SERAC1: variants seen among roughly 807,000 people sequenced by gnomAD.
SERAC1 encodes serine active site containing 1.
A neutral mutation model predicts 85.7 loss-of-function variants in SERAC1; 36 were observed. The observed-to-expected ratio is 0.42, with a 90% CI of 0.32 to 0.55. The LOEUF (loss-of-function observed/expected upper bound fraction) is 0.55. Among genes scored for constraint, SERAC1 ranks in the 20% least tolerant of loss-of-function variants. The probability of loss-of-function intolerance (pLI) is 0.11; values close to 1 mark genes in which losing one functional copy is unlikely to be tolerated. For synonymous variants in SERAC1, 242 were observed against 265.3 expected, an observed-to-expected ratio of 0.91 and a Z score of 0.85; for missense variants, 629 against 796.2, an observed-to-expected ratio of 0.79 and a Z score of 2.53.
Position 158,122,269 on chromosome 6 carries a change from C to T in SERAC1, c.1016-1694G>A, listed in dbSNP as rs376600733. Among the ~76,000 whole-genome samples, 274 of 152,310 alleles carry T rather than the reference C, an allele frequency of 1.8e-3. 8 individuals are homozygous for T. The South Asian group carries it at 0.044, about 25-fold the overall frequency. ...TTTGCACAGTGACAAAACTGCCTAA[C>T]GATACATTCCTCAGAATGTTTCTCC... On this transcript the variant is annotated intron_variant, in intron 10 of 16. Transcript: ENST00000647468.
intron 3 of SERAC1, among the ~76,000 whole-genome samples, chr6:158,151,428 A>AT (rs60806678): frequency 0.3 from 43,952 of 148,252 alleles, 7,666 homozygotes; most frequent in Admixed American, 0.51. Context: ...TCTCAAAAAG[A>AT]TTTTTTTTTT....
At chr6:158,118,239 G>A (rs1204679655) in intron 12 of SERAC1, among the ~76,000 whole-genome samples, 1 of 152,128 alleles carries the variant, frequency 6.6e-6, no homozygotes, top group Non-Finnish European at 1.5e-5. Context: ...TATACCCTAG[G>A]TCTATCATCA....
intron 14 of SERAC1, 31 bp from the exon 15 acceptor site, chr6:158,115,002 A>G: frequency 1.3e-6 from 2 of 1,585,288 alleles, no homozygotes; most frequent in South Asian, 1.2e-5. Context: ...AAAACAATGC[A>G]TAAGCTATTT....
At position 158,160,385 on chromosome 6, in the gene SERAC1, T is replaced by G. The variant is rs538584975; in HGVS notation, c.-1-2021A>C. Among the ~76,000 whole-genome samples the G allele has an allele frequency of 1.3e-3, 199 of 152,294 alleles. 1 individual carries two copies. Among genetic ancestry groups the G allele is most frequent in the African/African-American group, 4.6e-3 (191 of 41,562 alleles). ...TGTGGCAAACAAATACTACCCTTTTTGGGGGGTCATAATGTGAAAAGATAT... is the reference window on the plus strand; with the variant it reads ...TGTGGCAAACAAATACTACCCTTTTGGGGGGGTCATAATGTGAAAAGATAT... On this transcript the variant is annotated intron_variant, in intron 1 of 16. Coordinates refer to ENST00000647468, the MANE Select transcript of SERAC1 (RefSeq NM_032861.4).
chr6:158,125,701 A>AAAT (rs1263587576), intron 10 of SERAC1, among the ~76,000 whole-genome samples: 1 of 152,156 alleles, frequency 6.6e-6, no homozygotes, highest in African/African-American at 2.4e-5. Flanking sequence ...CTGTCTCAAA[A>AAAT]AATAATAATA....
At chr6:158,128,809 A>G (rs1363571470) in intron 9 of SERAC1, among the ~76,000 whole-genome samples, 1 of 152,220 alleles carries the variant, frequency 6.6e-6, no homozygotes, top group Non-Finnish European at 1.5e-5. Context: ...TTTTTAAAAG[A>G]GAAAGATCAG....
chr6:158,143,365 A>C (rs1320992217), intron 7 of SERAC1, among the ~76,000 whole-genome samples, 181 bp from the exon 8 acceptor site: 7 of 28,750 alleles, frequency 2.4e-4, no homozygotes, highest in Non-Finnish European at 5.0e-4. Flanking sequence ...ATATATATAT[A>C]TATATATATA....
Position 158,116,193 on chromosome 6 carries a change from C to A in SERAC1, c.1493G>T (p.Ser498Ile). Residue 498 changes from serine (S) to isoleucine (I), a missense_variant, in exon 14 of 17, where the codon AGC (serine) becomes ATC (isoleucine). Transcript: ENST00000647468. ...GTTGAAGCCACACTTACCTCCCATG[C>A]TATGTGATATCCAAACCACTGGCCT... ...GDRPVVWISH[S>I]MGGLLVKKML... 6.2e-7 allele frequency: 1 copy of A among 1,613,718 alleles called. No homozygotes were observed. The highest frequency in any genetic ancestry group is 8.5e-7 in the Non-Finnish European group (1 of 1,179,638).
chr6:158,149,021 A>G, intron 4 of SERAC1, 67 bp from the exon 5 acceptor site: 2 of 1,216,774 alleles, frequency 1.6e-6, no homozygotes, highest in Non-Finnish European at 1.1e-6. Context: ...ATGGAATCTT[A>G]CTCTGTCGCC....
chr6:158,119,129 A>G lies in SERAC1; in HGVS notation c.1208T>C (p.Met403Thr). Reference protein sequence around the residue: ...KADVLFIHGLMGAAFKTWRQQ... With the variant: ...KADVLFIHGLTGAAFKTWRQQ... ...GCGCCATGTTTTGAATGCTGCTCCC[A>G]TAAGGCCATGAATAAAAAGGACATC... is the stretch of plus-strand genomic sequence containing the variant. Residue 403 changes from methionine to threonine, a missense_variant, in exon 12 of 17, where the codon ATG becomes ACG. By Grantham distance (81) the Met-to-Thr change is moderately conservative (BLOSUM62 -1). Coordinates refer to ENST00000647468, the MANE Select transcript of SERAC1 (RefSeq NM_032861.4). This position sits in a 1 kb window ranked among gnomAD's most constrained non-coding sequence, Gnocchi z 4.5. 1 of 1,613,530 alleles carries G rather than the reference A, an allele frequency of 6.2e-7. No homozygotes were observed. The highest frequency in any genetic ancestry group is 8.5e-7 in the Non-Finnish European group (1 of 1,179,706).
intron 1 of SERAC1, chr6:158,160,868 G>T (rs949257100): frequency 2.6e-5 from 4 of 152,114 alleles, no homozygotes; most frequent in African/African-American, 9.7e-5. Context: ...CATCCCAAAA[G>T]AAGTCATTTT....
chr6:158,132,448 A>G (rs571410607), intron 8 of SERAC1, among the ~76,000 whole-genome samples: 2 of 152,306 alleles, frequency 1.3e-5, no homozygotes, highest in African/African-American at 4.8e-5. Flanking sequence ...TGGCAGAGAC[A>G]ATGGTAAATA....
At chr6:158,145,237 G>T in intron 6 of SERAC1, 1 of 152,154 alleles carries the variant, frequency 6.6e-6, no homozygotes, top group Non-Finnish European at 1.5e-5. Context: ...GAACAAGACT[G>T]TCTCAAAAAA....
rs143839885 is a variant in SERAC1 at position 158,114,360 on chromosome 6, C to T, written c.1684+429G>A. ...GGCTCGAGCCAGGGAATCCAAATTC[C>T]GATTAACAGGTGTTCCAGAGAGAAA... On this transcript the variant is annotated intron_variant, in intron 15 of 16. Coordinates refer to ENST00000647468, the MANE Select transcript of SERAC1 (RefSeq NM_032861.4). The T allele has an allele frequency of 2.8e-3, 1,172 of 421,034 alleles. 17 individuals carry two copies. The highest frequency in any genetic ancestry group is 0.024 in the African/African-American group (1,104 of 46,584). The allele number at this position is 421,034 out of a possible 1,614,324, so 26.1% of individuals were successfully genotyped here.
intron 4 of SERAC1, among the ~76,000 whole-genome samples, chr6:158,149,463 C>T (rs1380493289): frequency 6.6e-6 from 1 of 152,176 alleles, no homozygotes; most frequent in Non-Finnish European, 1.5e-5. Flanking sequence ...TAAGATTGCT[C>T]TCCAAGTCAG....
At chr6:158,138,868 G>GA (rs1784856273) in intron 8 of SERAC1, among the ~76,000 whole-genome samples, 1 of 152,004 alleles carries the variant, frequency 6.6e-6, no homozygotes, top group South Asian at 2.1e-4. Flanking sequence ...ACAACAAAAG[G>GA]AAAAAATGTA....
intron 2 of SERAC1, among the ~76,000 whole-genome samples, chr6:158,156,961 T>A (rs1785364888): frequency 8.1e-6 from 1 of 123,556 alleles, no homozygotes; most frequent in African/African-American, 2.9e-5. Context: ...TTTATATAAA[T>A]ATTAATATAT....
At chr6:158,144,647 CCTAA>C (rs1785010918) in intron 6 of SERAC1, among the ~76,000 whole-genome samples, 1 of 152,126 alleles carries the variant, frequency 6.6e-6, no homozygotes, top group Non-Finnish European at 1.5e-5. Flanking sequence ...CGGGTCACAG[CCTAA>C]CTTTTTGGAA....
intron 10 of SERAC1, among the ~76,000 whole-genome samples, chr6:158,123,688 G>C (rs1355910735): frequency 6.6e-6 from 1 of 152,170 alleles, no homozygotes. Context: ...GCAGGCAGTA[G>C]GTTTCATCAA....
Sources: allele counts gnomAD v4.1 joint callset (sites outside exome capture counted in the v4.1 genomes callset), GRCh38; gene constraint gnomAD v4.1.1; non-coding constraint Gnocchi (gnomAD v3.1); transcripts MANE v1.5; gene names NCBI Gene and HGNC (gene_info 2026-07-23, HGNC 2026-07-21).